Variants in MAML3 observed in about 807,000 individuals in gnomAD.
The protein encoded by MAML3 is mastermind like transcriptional coactivator 3.
In MAML3, 27 loss-of-function variants were observed where a neutral mutation model predicts 101.9. The observed-to-expected ratio is 0.27, with a 90% CI of 0.20 to 0.37. The LOEUF (loss-of-function observed/expected upper bound fraction) is 0.37, where lower values mean the gene tolerates loss of function less well. Among genes scored for constraint, MAML3 ranks in the 10% least tolerant of loss-of-function variants. The probability of loss-of-function intolerance (pLI) is 1.00; values close to 1 mark genes in which losing one functional copy is unlikely to be tolerated. For missense variants in MAML3, 1,316 were observed against 1,444.9 expected, an observed-to-expected ratio of 0.91 and a Z score of 1.45; for synonymous variants, 501 against 555.9, an observed-to-expected ratio of 0.90 and a Z score of 1.39.
chr4:139,846,593 C>T (rs919380204), intron 2 of MAML3, among the ~76,000 whole-genome samples: 1 of 152,148 alleles, frequency 6.6e-6, no homozygotes, highest in Non-Finnish European at 1.5e-5. Flanking sequence ...AGCAATCCAC[C>T]CACCCTGGCC....
At chr4:139,922,449 GGTCCC>G in intron 1 of MAML3, among the ~76,000 whole-genome samples, 1 of 70,760 alleles carries the variant, frequency 1.4e-5, no homozygotes, top group Admixed American at 2.4e-4. Context: ...GAGAACGGTG[GGTCCC>G]TAACCTCAAG....
chr4:140,073,038 G>C (rs1161342912), intron 1 of MAML3, among the ~76,000 whole-genome samples: 1 of 152,166 alleles, frequency 6.6e-6, no homozygotes, highest in African/African-American at 2.4e-5. Context: ...TCTAGGGAGG[G>C]AGGAGGATGG....
intron 1 of MAML3, among the ~76,000 whole-genome samples, chr4:140,044,134 A>AG (rs1317842537): frequency 6.6e-6 from 1 of 151,952 alleles, no homozygotes; most frequent in Non-Finnish European, 1.5e-5. Context: ...AAAGAAAAAA[A>AG]AAAAGATTGG....
intron 1 of MAML3, among the ~76,000 whole-genome samples, chr4:139,892,088 T>A (rs150755263): frequency 4.5e-4 from 68 of 152,364 alleles, no homozygotes; most frequent in African/African-American, 1.6e-3. Flanking sequence ...AAGATGCTCA[T>A]CTTCCCAGGC....
At chr4:139,836,323 G>A (rs1731254912) in intron 2 of MAML3, among the ~76,000 whole-genome samples, 1 of 152,142 alleles carries the variant, frequency 6.6e-6, no homozygotes, top group Non-Finnish European at 1.5e-5. Context: ...TCGTCTGCCA[G>A]CTCATCAGTA....
rs749450110 is a variant in MAML3 at position 140,153,337 on chromosome 4, C to T, written c.-10G>A. The T allele has an allele frequency of 6.4e-7, 1 of 1,567,590 alleles. No homozygotes were observed. Among genetic ancestry groups the T allele is most frequent in the South Asian group, 1.2e-5 (1 of 84,278 alleles). ...CTGCGAAATCCCCCATCCTGCTCCC[C>T]GGGCACACTATTTTGGAAGAACTTT... On this transcript the variant is annotated 5_prime_UTR_variant, in exon 1 of 5. Coordinates refer to ENST00000509479, the MANE Select transcript of MAML3 (RefSeq NM_018717.5).
At chr4:140,084,616 T>C (rs149472565) in intron 1 of MAML3, among the ~76,000 whole-genome samples, 107 of 152,268 alleles carry the variant, frequency 7.0e-4, no homozygotes, top group African/African-American at 2.5e-3. Flanking sequence ...TTCCTAATAT[T>C]CCACTTTTCA....
chr4:139,725,123 G>C (rs1728414035), intron 4 of MAML3, among the ~76,000 whole-genome samples: 1 of 152,118 alleles, frequency 6.6e-6, no homozygotes. Flanking sequence ...ATTTATAAAG[G>C]AGTGCCAACA....
rs553719552 is a variant in MAML3, at chr4:140,068,694, C to T, written c.468+84166G>A. On this transcript the variant is annotated intron_variant, in intron 1 of 4. Coordinates refer to ENST00000509479, the MANE Select transcript of MAML3 (RefSeq NM_018717.5). ...TTTAAAACAATAACAAATAATATCA[C>T]CTATCTCATATTGCTGTGAGGATTT... is the stretch of plus-strand genomic sequence containing the variant. 1.9e-4 allele frequency among the ~76,000 whole-genome samples: 29 copies of T among 152,262 alleles called. 1 individual carries two copies. Among genetic ancestry groups the T allele is most frequent in the African/African-American group, 6.0e-4 (25 of 41,544 alleles).
chr4:139,795,108 T>C (rs1730488520), intron 2 of MAML3, among the ~76,000 whole-genome samples: 1 of 152,184 alleles, frequency 6.6e-6, no homozygotes, highest in Admixed American at 6.5e-5. Flanking sequence ...CGATGGAAGA[T>C]TTACATCATA....
Position 140,031,310 on chromosome 4 carries a change from T to G in MAML3, c.468+121550A>C, listed in dbSNP as rs1170549752. On this transcript the variant is annotated intron_variant, in intron 1 of 4. Transcript: ENST00000509479. The stretch of plus-strand genomic sequence containing the variant: ...ATCATCAGAACGTTGGACCTTCGGC[T>G]CTCCTCCGAGGGTCAAAGCTGAGAT... Among the ~76,000 whole-genome samples the G allele has an allele frequency of 3.9e-5, 6 of 152,316 alleles. No individual in the cohort carries two copies. In the East Asian group the frequency reaches 1.2e-3, roughly 29 times the overall value.
chr4:139,766,071 C>T (rs903008495), intron 2 of MAML3, among the ~76,000 whole-genome samples: 1 of 151,186 alleles, frequency 6.6e-6, no homozygotes, highest in African/African-American at 2.4e-5. Flanking sequence ...TTGTGTATTT[C>T]TTCTTAGTTC....
At chr4:139,935,114 A>G (rs1283565620) in intron 1 of MAML3, among the ~76,000 whole-genome samples, 1 of 151,040 alleles carries the variant, frequency 6.6e-6, no homozygotes, top group Non-Finnish European at 1.5e-5. Context: ...CCTACTGCCT[A>G]TCACCCCCCT....
intron 2 of MAML3, among the ~76,000 whole-genome samples, chr4:139,803,739 G>C (rs1445422297): frequency 6.6e-6 from 1 of 152,136 alleles, no homozygotes; most frequent in Non-Finnish European, 1.5e-5. Flanking sequence ...GGCTATGTAT[G>C]CATTACACAC....
At chr4:140,147,355 A>G (rs1409069414) in intron 1 of MAML3, among the ~76,000 whole-genome samples, 1 of 152,230 alleles carries the variant, frequency 6.6e-6, no homozygotes, top group Non-Finnish European at 1.5e-5. Context: ...GAATAAAGGC[A>G]AATCCATACT....
rs576870645 is a variant in MAML3 at position 139,727,013 on chromosome 4, A to G, written c.2332-1178T>C. 2.8e-4 allele frequency among the ~76,000 whole-genome samples: 42 copies of G among 152,324 alleles called. No individual in the cohort carries two copies. In the South Asian group the frequency reaches 5.6e-3, roughly 20 times the overall value. The stretch of plus-strand genomic sequence containing the variant: ...AGCACCTTTCATCTGCAAGGGCTAT[A>G]AAGAATATACAACAAGGTCCCTGTT... On this transcript the variant is annotated intron_variant, in intron 3 of 4. Transcript: ENST00000509479.
At chr4:139,851,956 A>G (rs1293585473) in intron 2 of MAML3, among the ~76,000 whole-genome samples, 1 of 152,188 alleles carries the variant, frequency 6.6e-6, no homozygotes, top group East Asian at 1.9e-4. Flanking sequence ...TCTCCAAAAC[A>G]AACCAACGGG....
rs190086939 is a variant in MAML3, at chr4:139,754,673, T to C, written c.2080-24006A>G. ...AAGGCTCCTGTTTTGGTACATATTA[T>C]CAAATACCCTCTGGAAAGATATGAC... On this transcript the variant is annotated intron_variant, in intron 2 of 4. Coordinates refer to ENST00000509479, the MANE Select transcript of MAML3 (RefSeq NM_018717.5). Among the ~76,000 whole-genome samples the C allele has an allele frequency of 1.8e-4, 28 of 152,308 alleles. No individual in the cohort carries two copies. The East Asian group carries it at 5.2e-3, about 28-fold the overall frequency.
At chr4:139,725,340 G>A (rs958832041) in intron 4 of MAML3, among the ~76,000 whole-genome samples, 1 of 152,162 alleles carries the variant, frequency 6.6e-6, no homozygotes, top group Admixed American at 6.5e-5. Context: ...AAAAGATGTG[G>A]CACAAGATTT....
Sources: allele counts gnomAD v4.1 joint callset (sites outside exome capture counted in the v4.1 genomes callset), GRCh38; gene constraint gnomAD v4.1.1; transcripts MANE v1.5; gene names NCBI Gene and HGNC (gene_info 2026-07-23, HGNC 2026-07-21).